The following NCOR2 variants were observed in gnomAD, a reference collection of about 807,000 sequenced individuals.
The protein encoded by NCOR2 is CTG repeat protein 26.
NCOR2 carries 81 observed loss-of-function variants against 262.9 expected under a neutral mutation model. The ratio of observed to expected loss-of-function variants is 0.31; its 90% CI spans 0.26 to 0.37. NCOR2 has a LOEUF of 0.37. Among genes scored for constraint, NCOR2 ranks in the 10% least tolerant of loss-of-function variants. The pLI is 1.00. For missense variants in NCOR2, 3,385 were observed against 3,621.4 expected, an observed-to-expected ratio of 0.93 and a Z score of 1.68; for synonymous variants, 1,659 against 1,559.3, an observed-to-expected ratio of 1.06 and a Z score of -1.51.
exon 11 of NCOR2, chr12:124,426,677 C>G (rs768689373): frequency 1.5e-5 from 24 of 1,609,942 alleles, no homozygotes; most frequent in Non-Finnish European, 1.9e-5. Context: ...ACCTGGCGGT[C>G]TTTGTACACC....
chr12:124,516,263 G>A (rs2137053332), intron 1 of NCOR2, among the ~76,000 whole-genome samples: 1 of 152,326 alleles, frequency 6.6e-6, no homozygotes. Flanking sequence ...CCTTCTGCAG[G>A]AGAACTGGCC....
rs1270224925 is a variant in NCOR2, at chr12:124,454,461, C to T, written c.762+2645G>A. The stretch of plus-strand genomic sequence containing the variant: ...GTCCCTGGTTCCAAAGCTTCTGACA[C>T]CAGCAGCTGCCCACCCCCATCTGCC... On this transcript the variant is annotated intron_variant, in intron 6 of 46. Transcript: ENST00000405201. The surrounding 1 kb of genome is among the most constrained non-coding windows in gnomAD (Gnocchi z 5.6). 1.3e-5 allele frequency among the ~76,000 whole-genome samples: 2 copies of T among 152,276 alleles called. No homozygotes were observed. Among genetic ancestry groups the T allele is most frequent in the East Asian group, 3.9e-4 (2 of 5,178 alleles).
At position 124,503,747 on chromosome 12, in the gene NCOR2, C is replaced by T. The variant is rs139525450; in HGVS notation, c.-117-8379G>A. On this transcript the variant is annotated intron_variant, in intron 1 of 46. Transcript: ENST00000404621. The surrounding 1 kb of genome is among the most constrained non-coding windows in gnomAD (Gnocchi z 4.3). ...GGATGGATGGATGGACGGATGGATG[C>T]ATGGATGCATGGATGGATGGATGGA... Among the ~76,000 whole-genome samples the T allele has an allele frequency of 7.2e-6, 1 of 139,714 alleles. No individual in the cohort carries two copies. The highest frequency in any genetic ancestry group is 1.6e-5 in the Non-Finnish European group (1 of 63,628). The allele number at this position is 139,714 out of a possible 152,430, so 91.7% of individuals were successfully genotyped here. A position where few individuals can be genotyped will look rare whatever the true frequency, so the allele number is the denominator to read the frequency against.
At chr12:124,403,706 TGA>T (rs1397488256) in intron 13 of NCOR2, among the ~76,000 whole-genome samples, 1 of 151,624 alleles carries the variant, frequency 6.6e-6, no homozygotes, top group Non-Finnish European at 1.5e-5. Flanking sequence ...ATCGGGGAGG[TGA>T]GAGAGACTCC....
At chr12:124,326,128 C>A in intron 46 of NCOR2, 63 bp downstream of exon 48, 1 of 1,407,836 alleles carries the variant, frequency 7.1e-7, no homozygotes, top group Non-Finnish European at 9.3e-7. Context: ...AGTGCCCCGG[C>A]AGCATTCACA....
intron 40 of NCOR2, 99 bp downstream of exon 42, chr12:124,335,036 C>A: frequency 6.3e-7 from 1 of 1,578,278 alleles, no homozygotes; most frequent in Non-Finnish European, 8.7e-7. Context: ...CCCAGCCACC[C>A]CGCCAGGACA....
intron 43 of NCOR2, 99 bp downstream of exon 45, chr12:124,332,220 G>A (rs1191232297): frequency 6.1e-6 from 9 of 1,464,434 alleles, no homozygotes; most frequent in Non-Finnish European, 7.5e-6. Context: ...TTTCGAAGGT[G>A]CACCGTGGGT....
intron 37 of NCOR2, among the ~76,000 whole-genome samples, chr12:124,338,379 G>A (rs1446681625): frequency 6.6e-6 from 1 of 151,972 alleles, no homozygotes; most frequent in Non-Finnish European, 1.5e-5. Flanking sequence ...GTGGTTGCAC[G>A]TGCCTGTAAC....
chr12:124,334,908 G>A (rs1387213331), intron 40 of NCOR2: 11 of 655,720 alleles, frequency 1.7e-5, no homozygotes, highest in South Asian at 5.7e-5. Context: ...AGATGCCATC[G>A]GCTCGCATCA....
At chr12:124,362,723 A>T (rs1263874507) in intron 21 of NCOR2, among the ~76,000 whole-genome samples, 1 of 148,048 alleles carries the variant, frequency 6.8e-6, no homozygotes. Flanking sequence ...GGGGGAGCCC[A>T]CCTCCCAAAA....
chr12:124,355,907 T>C (rs2037915275), intron 23 of NCOR2, among the ~76,000 whole-genome samples: 1 of 152,080 alleles, frequency 6.6e-6, no homozygotes, highest in Non-Finnish European at 1.5e-5. Context: ...TTTGGAAAAG[T>C]CTACTGGTGC....
chr12:124,369,807 G>A (rs1417099898), intron 20 of NCOR2, among the ~76,000 whole-genome samples: 2 of 152,062 alleles, frequency 1.3e-5, no homozygotes, highest in East Asian at 1.9e-4. Context: ...GGCCCAGCTC[G>A]GGGAGGGAGG....
chr12:124,360,575 C>A (rs760874545), intron 22 of NCOR2, among the ~76,000 whole-genome samples: 16 of 152,222 alleles, frequency 1.1e-4, no homozygotes, highest in Non-Finnish European at 2.1e-4. Context: ...GCAGCCCCTG[C>A]CACACCTGAG....
At chr12:124,333,897 C>CGCGCATGTGTGTGTGT in intron 41 of NCOR2, among the ~76,000 whole-genome samples, 1 of 123,696 alleles carries the variant, frequency 8.1e-6, no homozygotes, top group Admixed American at 8.3e-5. Context: ...TGTGTGTGTG[C>CGCGCATGTGTGTGTGT]GCGCGCATGT....
At chr12:124,511,138 A>C (rs949094192) in intron 1 of NCOR2, among the ~76,000 whole-genome samples, 2 of 152,196 alleles carry the variant, frequency 1.3e-5, no homozygotes, top group Non-Finnish European at 2.9e-5. Context: ...AGAGAGACTG[A>C]GGCTGAGAGC....
intron 1 of NCOR2, chr12:124,542,481 A>C (rs2051402862): frequency 6.6e-6 from 1 of 152,208 alleles, no homozygotes; most frequent in South Asian, 2.1e-4. Context: ...ACTCCAGGCC[A>C]CCTCTGCCCT....
At chr12:124,546,941 G>C (rs1292966254) in intron 1 of NCOR2, among the ~76,000 whole-genome samples, 8 of 152,144 alleles carry the variant, frequency 5.3e-5, no homozygotes, top group Admixed American at 5.2e-4. Flanking sequence ...CAAAGCACAA[G>C]AGTAGTGATG....
intron 3 of NCOR2, among the ~76,000 whole-genome samples, chr12:124,477,450 C>T (rs2047164129): frequency 6.6e-6 from 1 of 152,202 alleles, no homozygotes; most frequent in Non-Finnish European, 1.5e-5. Flanking sequence ...TCGGGTATGT[C>T]TTTATTAGCG....
intron 13 of NCOR2, among the ~76,000 whole-genome samples, chr12:124,413,962 G>A: frequency 6.6e-6 from 1 of 151,432 alleles, no homozygotes; most frequent in South Asian, 2.1e-4. Context: ...CATATCAGAG[G>A]GTGTCTCCAC....
Sources: allele counts gnomAD v4.1 joint callset (sites outside exome capture counted in the v4.1 genomes callset), GRCh38; gene constraint gnomAD v4.1.1; non-coding constraint Gnocchi (gnomAD v3.1); transcripts MANE v1.5; gene names NCBI Gene and HGNC (gene_info 2026-07-23, HGNC 2026-07-21).